The following LIN52 variants were observed in gnomAD, a reference collection of about 807,000 sequenced individuals.
The protein encoded by LIN52 is protein lin-52 homolog.
In LIN52, 4 loss-of-function variants were observed where a neutral mutation model predicts 18.5. The ratio of observed to expected loss-of-function variants is 0.22; its 90% confidence interval spans 0.11 to 0.49. The LOEUF is 0.49. Ranked by LOEUF, LIN52 falls within the 20% of genes least tolerant of loss-of-function variation. The pLI, the probability that LIN52 is intolerant of heterozygous loss-of-function variation, is 0.97. For missense variants in LIN52, 102 were observed against 139.5 expected (o/e 0.73, Z 1.35); for synonymous variants, 34 against 45.5 (o/e 0.75, Z 1.02).
chr14:74,120,687 G>T (rs12883978), intron 5 of LIN52, among the ~76,000 whole-genome samples: 16,801 of 151,554 alleles, frequency 0.11, 1,221 homozygotes, highest in Admixed American at 0.19. Context: ...CCTGGGAGGC[G>T]GAGGTTTCAG....
chr14:74,085,068 C>T (rs749288005), intron 1 of LIN52, 75 bp downstream of exon 1: 6 of 1,228,160 alleles, frequency 4.9e-6, no homozygotes, highest in South Asian at 2.9e-5. Context: ...CTGTCTCTGC[C>T]CCTCGAACAT....
intron 5 of LIN52, among the ~76,000 whole-genome samples, chr14:74,154,120 G>GT (rs1003817255): frequency 0.013 from 1,866 of 144,624 alleles, 32 homozygotes; most frequent in African/African-American, 0.036. Context: ...TTTCCTTAAT[G>GT]TTTTTTTTTT....
At chr14:74,174,593 G>C (rs1326949085) in intron 5 of LIN52, 1 of 151,976 alleles carries the variant, frequency 6.6e-6, no homozygotes, top group Non-Finnish European at 1.5e-5. Flanking sequence ...CATCAATATG[G>C]TGACCTTATG....
chr14:74,089,914 GTA>G (rs1384915046), intron 1 of LIN52, among the ~76,000 whole-genome samples: 1 of 152,122 alleles, frequency 6.6e-6, no homozygotes, highest in Non-Finnish European at 1.5e-5. Context: ...ATGGGCAGGT[GTA>G]GGAGTCAGGG....
At chr14:74,087,141 C>T (rs963601207) in intron 1 of LIN52, among the ~76,000 whole-genome samples, 2 of 151,954 alleles carry the variant, frequency 1.3e-5, no homozygotes, top group Non-Finnish European at 2.9e-5. Context: ...TTTGGCTTGG[C>T]GTGGTGGCTC....
At chr14:74,177,968 G>T (rs1302047582) in intron 5 of LIN52, among the ~76,000 whole-genome samples, 1 of 151,994 alleles carries the variant, frequency 6.6e-6, no homozygotes, top group Non-Finnish European at 1.5e-5. Context: ...TGGTAGAGAC[G>T]GGGTTTCATC....
intron 5 of LIN52, among the ~76,000 whole-genome samples, chr14:74,183,294 A>T (rs1278056392): frequency 6.6e-6 from 1 of 151,764 alleles, no homozygotes; most frequent in Non-Finnish European, 1.5e-5. Flanking sequence ...AGAGACGGGG[A>T]TTCACCATGT....
chr14:74,152,292 T>C (rs1296378067), intron 5 of LIN52, among the ~76,000 whole-genome samples: 2 of 151,070 alleles, frequency 1.3e-5, no homozygotes, highest in Admixed American at 6.6e-5. Context: ...GCTGTGTTAA[T>C]GGTGATGGAC....
At chr14:74,170,214 C>T (rs537238857) in intron 5 of LIN52, among the ~76,000 whole-genome samples, 1 of 152,322 alleles carries the variant, frequency 6.6e-6, no homozygotes, top group Admixed American at 6.5e-5. Context: ...CAGGACCTCA[C>T]CTGGCCCATT....
In LIN52 at chr14:74,165,237, T is replaced by C. The variant is rs79362794; in HGVS notation, c.284-33685T>C. Reference sequence around the variant, plus strand: ...GAGAAGATAGGAGATAGGATGCATGTCATGTGTATTATGAGGAATTAAGGT... The same window carrying C: ...GAGAAGATAGGAGATAGGATGCATGCCATGTGTATTATGAGGAATTAAGGT... On this transcript the variant is annotated intron_variant, in intron 5 of 5. Transcript: ENST00000555028. Among the ~76,000 whole-genome samples, 16 of 152,226 alleles carry C rather than the reference T, an allele frequency of 1.1e-4. No homozygotes were observed. In the East Asian group the frequency reaches 3.1e-3, roughly 29 times the overall value.
At chr14:74,134,658 T>C (rs2061087652) in intron 5 of LIN52, among the ~76,000 whole-genome samples, 2 of 152,182 alleles carry the variant, frequency 1.3e-5, no homozygotes, top group African/African-American at 4.8e-5. Context: ...TTTCTTAGAA[T>C]TAAAACACAG....
At chr14:74,182,767 A>G (rs1374341229) in intron 5 of LIN52, among the ~76,000 whole-genome samples, 1 of 152,194 alleles carries the variant, frequency 6.6e-6, no homozygotes, top group African/African-American at 2.4e-5. Flanking sequence ...AGATTCAGTA[A>G]GTAACCAAGG....
intron 2 of LIN52, among the ~76,000 whole-genome samples, chr14:74,092,008 C>T (rs2060775232): frequency 1.3e-5 from 2 of 152,068 alleles, no homozygotes; most frequent in South Asian, 4.1e-4. Context: ...GAGTCTCTCT[C>T]TGTCGCCCAG....
intron 5 of LIN52, among the ~76,000 whole-genome samples, chr14:74,116,361 C>T (rs1455303383): frequency 6.6e-6 from 1 of 151,388 alleles, no homozygotes; most frequent in Non-Finnish European, 1.5e-5. Flanking sequence ...TGGGAAATAC[C>T]AGGTGAATTA....
intron 2 of LIN52, among the ~76,000 whole-genome samples, chr14:74,092,433 T>A (rs185262904): frequency 6.6e-6 from 1 of 150,566 alleles, no homozygotes; most frequent in East Asian, 2.0e-4. Flanking sequence ...GGCTCCCGAG[T>A]AGCTGGGATT....
At chr14:74,148,922 A>C (rs947663602) in intron 5 of LIN52, among the ~76,000 whole-genome samples, 1 of 152,264 alleles carries the variant, frequency 6.6e-6, no homozygotes, top group Admixed American at 6.5e-5. Context: ...TCTGTGGCCT[A>C]GTATGAATTT....
intron 5 of LIN52, among the ~76,000 whole-genome samples, chr14:74,133,686 A>G (rs1288544919): frequency 6.6e-6 from 1 of 152,380 alleles, no homozygotes; most frequent in African/African-American, 2.4e-5. Flanking sequence ...TTTATCAGGG[A>G]ACAAGAAACC....
At chr14:74,107,153 T>A (rs2060901820) in intron 5 of LIN52, among the ~76,000 whole-genome samples, 1 of 152,166 alleles carries the variant, frequency 6.6e-6, no homozygotes, top group African/African-American at 2.4e-5. Flanking sequence ...TATTTGAAGG[T>A]CTTATTTCTG....
intron 5 of LIN52, among the ~76,000 whole-genome samples, chr14:74,178,422 AG>A (rs1271303319): frequency 1.3e-5 from 2 of 151,914 alleles, no homozygotes; most frequent in Non-Finnish European, 2.9e-5. Context: ...AAGCTAGATT[AG>A]TGGGGACTTA....
Sources: gnomAD v4.1 joint callset for allele counts (sites outside exome capture counted in the v4.1 genomes callset) on GRCh38, gnomAD v4.1.1 for gene constraint, MANE v1.5 for transcripts, NCBI Gene and HGNC (gene_info 2026-07-23, HGNC 2026-07-21) for gene names.